Variants in PAH observed in about 807,000 individuals in gnomAD.
PAH encodes the protein phenylalanine-4-hydroxylase.
In PAH, 64 loss-of-function variants were observed where a neutral mutation model predicts 62.0. That is an observed-to-expected ratio of 1.03 (90% CI 0.84 to 1.27). The LOEUF (loss-of-function observed/expected upper bound fraction) is 1.27. PAH is among the 50% of genes most tolerant of loss of function. PAH has a pLI of 0.00. For missense variants in PAH, 579 were observed against 542.8 expected, an observed-to-expected ratio of 1.07 and a Z score of -0.66; for synonymous variants, 195 against 196.2, an observed-to-expected ratio of 0.99 and a Z score of 0.05.
intron 2 of PAH, among the ~76,000 whole-genome samples, chr12:102,899,064 C>T (rs1400988161): frequency 6.6e-6 from 1 of 152,204 alleles, no homozygotes; most frequent in East Asian, 1.9e-4. Flanking sequence ...GAAGCTTTCT[C>T]TGGCAAACAG....
chr12:102,926,719 T>C (rs1354397578), intron 1 of PAH, among the ~76,000 whole-genome samples: 1 of 152,110 alleles, frequency 6.6e-6, no homozygotes, highest in Non-Finnish European at 1.5e-5. Context: ...ATTGAATCAA[T>C]TATATTAAAA....
intron 3 of PAH, among the ~76,000 whole-genome samples, chr12:102,885,480 G>C (rs1205252829): frequency 1.3e-5 from 2 of 152,232 alleles, no homozygotes; most frequent in Non-Finnish European, 2.9e-5. Context: ...ACTTGGGCAG[G>C]CTGGGGCAAC....
chr12:102,911,712 C>T (rs1878207658), intron 2 of PAH, among the ~76,000 whole-genome samples: 1 of 152,160 alleles, frequency 6.6e-6, no homozygotes, highest in Non-Finnish European at 1.5e-5. Context: ...CCCCATCTTC[C>T]TCCCCACCCA....
chr12:102,849,792 C>T (rs1012121469), intron 8 of PAH, among the ~76,000 whole-genome samples: 4 of 152,188 alleles, frequency 2.6e-5, no homozygotes, highest in African/African-American at 4.8e-5. Flanking sequence ...GGGGGCCCCA[C>T]ATTCCCTGTG....
At chr12:102,902,780 C>T (rs572810292) in intron 2 of PAH, among the ~76,000 whole-genome samples, 3 of 152,170 alleles carry the variant, frequency 2.0e-5, no homozygotes, top group Non-Finnish European at 4.4e-5. Context: ...GGGATTCTCA[C>T]CCCAAAGACC....
At chr12:102,917,681 G>C (rs1878443954), upstream of PAH, 1 of 169,952 alleles carries the variant, frequency 5.9e-6, no homozygotes, top group African/African-American at 2.4e-5. Context: ...CTGCCTTGCT[G>C]TGCGCTGACT....
intron 11 of PAH, among the ~76,000 whole-genome samples, chr12:102,843,216 G>T (rs556089484): frequency 5.1e-4 from 78 of 152,288 alleles, no homozygotes; most frequent in Admixed American, 3.6e-3. Context: ...TGGTGGCAGG[G>T]ATGAGTAGAA....
At chr12:102,882,311 A>G (rs920757982) in intron 3 of PAH, among the ~76,000 whole-genome samples, 1 of 152,124 alleles carries the variant, frequency 6.6e-6, no homozygotes, top group African/African-American at 2.4e-5. Context: ...CAGTCCAGCA[A>G]TGGTTAAGAG....
At chr12:102,853,140 T>A (rs1420142752) in intron 6 of PAH, 190 bp from the exon 7 acceptor site, 2 of 637,554 alleles carry the variant, frequency 3.1e-6, no homozygotes, top group African/African-American at 3.6e-5. Context: ...AAATTCCCAT[T>A]TCTGAGCCTC....
At chr12:102,873,667 A>C (rs1439397489) in intron 4 of PAH, among the ~76,000 whole-genome samples, 1 of 152,092 alleles carries the variant, frequency 6.6e-6, no homozygotes, top group Non-Finnish European at 1.5e-5. Context: ...CACTTTTTTG[A>C]GTTATTATTA....
chr12:102,895,869 A>AATATATATATAT (rs1555208128), intron 2 of PAH, among the ~76,000 whole-genome samples: 9 of 118,706 alleles, frequency 7.6e-5, no homozygotes, highest in African/African-American at 2.9e-4. Flanking sequence ...AAAAAAAAAA[A>AATATATATATAT]ATATATATAT....
At chr12:102,882,725 G>A (rs1363982448) in intron 3 of PAH, among the ~76,000 whole-genome samples, 1 of 148,936 alleles carries the variant, frequency 6.7e-6, no homozygotes. Flanking sequence ...AGAGCAGAGT[G>A]GAAAGTTTTC....
chr12:102,904,141 T>C (rs1223080617), intron 2 of PAH, among the ~76,000 whole-genome samples: 1 of 152,224 alleles, frequency 6.6e-6, no homozygotes, highest in African/African-American at 2.4e-5. Flanking sequence ...CTAGAACTTC[T>C]ACTTCTTATC....
At chr12:102,925,690 A>G (rs1878665634) in intron 1 of PAH, among the ~76,000 whole-genome samples, 2 of 152,150 alleles carry the variant, frequency 1.3e-5, no homozygotes. Flanking sequence ...TTTTAGTCTA[A>G]CTTTTCCCTC....
chr12:102,889,402 C>CATAGATAGATAGATAG (rs10526127), intron 3 of PAH, among the ~76,000 whole-genome samples: 2 of 147,894 alleles, frequency 1.4e-5, no homozygotes, highest in African/African-American at 2.5e-5. Flanking sequence ...TCCCAGACAA[C>CATAGATAGATAGATAG]ATAGATAGAT....
chr12:102,852,701 T>C, intron 7 of PAH, 114 bp downstream of exon 7: 1 of 1,304,096 alleles, frequency 7.7e-7, no homozygotes. Flanking sequence ...CAGCAAACAG[T>C]CTAGACAACT....
intron 2 of PAH, among the ~76,000 whole-genome samples, chr12:102,910,658 A>G (rs1264278266): frequency 1.3e-5 from 2 of 152,092 alleles, no homozygotes; most frequent in Admixed American, 1.3e-4. Flanking sequence ...GCGTGAGTTG[A>G]AATTCTTAAT....
rs78969001 is a variant in PAH, at chr12:102,899,160, A to C, written c.169-4242T>G. On this transcript the variant is annotated intron_variant, in intron 2 of 12. Coordinates refer to ENST00000553106, the MANE Select transcript of PAH (RefSeq NM_000277.3). Reference sequence around the variant, plus strand: ...AATGGGTAGGTTCCACCTACTATTTACCTAAGATGAAACTTCAAAAGGAGA... The same window carrying C: ...AATGGGTAGGTTCCACCTACTATTTCCCTAAGATGAAACTTCAAAAGGAGA... Among the ~76,000 whole-genome samples, 27 of 152,332 alleles carry C rather than the reference A, an allele frequency of 1.8e-4. 2 individuals are homozygous for C. In the East Asian group the frequency reaches 2.1e-3, roughly 12 times the overall value.
intron 2 of PAH, among the ~76,000 whole-genome samples, chr12:102,902,577 T>G (rs1166627903): frequency 2.0e-5 from 3 of 152,196 alleles, no homozygotes; most frequent in Non-Finnish European, 4.4e-5. Context: ...TTCACTGATT[T>G]CCTCTTCTGG....
Sources: gnomAD v4.1 joint callset for allele counts (sites outside exome capture counted in the v4.1 genomes callset) on GRCh38, gnomAD v4.1.1 for gene constraint, MANE v1.5 for transcripts, NCBI Gene and HGNC (gene_info 2026-07-23, HGNC 2026-07-21) for gene names.